KIF26B: variants seen among roughly 807,000 people sequenced by gnomAD.
KIF26B encodes kinesin-like protein KIF26B.
A neutral mutation model predicts 151.2 loss-of-function variants in KIF26B; 63 were observed. That is an observed-to-expected ratio of 0.42 (90% CI 0.34 to 0.51). The LOEUF is 0.51. Among genes scored for constraint, KIF26B ranks in the 20% least tolerant of loss-of-function variants. The probability of loss-of-function intolerance (pLI) is 0.07; values close to 1 mark genes in which losing one functional copy is unlikely to be tolerated. For missense variants in KIF26B, 2,813 were observed against 2,913.6 expected, an observed-to-expected ratio of 0.97 and a Z score of 0.79; for synonymous variants, 1,357 against 1,262.1, an observed-to-expected ratio of 1.08 and a Z score of -1.59.
At chr1:245,615,960 T>A (rs890900103) in intron 9 of KIF26B, among the ~76,000 whole-genome samples, 2 of 152,196 alleles carry the variant, frequency 1.3e-5, no homozygotes, top group Non-Finnish European at 1.5e-5. Flanking sequence ...CAGAACTCAA[T>A]TAGGGGAAAG....
chr1:245,510,031 G>A (rs1660797964), intron 4 of KIF26B, among the ~76,000 whole-genome samples: 1 of 152,182 alleles, frequency 6.6e-6, no homozygotes, highest in Non-Finnish European at 1.5e-5. Context: ...GCAGTGCCAT[G>A]AACAGTGGAG....
chr1:245,441,124 C>T (rs1033024727), intron 4 of KIF26B, among the ~76,000 whole-genome samples: 1 of 152,158 alleles, frequency 6.6e-6, no homozygotes, highest in Non-Finnish European at 1.5e-5. Context: ...ATTGTGAACT[C>T]CAGCCATCTG....
intron 2 of KIF26B, among the ~76,000 whole-genome samples, chr1:245,337,681 CTA>C (rs1672263890): frequency 6.6e-6 from 1 of 152,192 alleles, no homozygotes; most frequent in Middle Eastern, 3.4e-3. Context: ...AAATAAATGA[CTA>C]TGGTGTGTGT....
intron 4 of KIF26B, among the ~76,000 whole-genome samples, chr1:245,451,683 C>G (rs1030770818): frequency 6.8e-6 from 1 of 147,324 alleles, no homozygotes; most frequent in Non-Finnish European, 1.5e-5. Flanking sequence ...TTACTGCAAC[C>G]TCTGCCTCCT....
chr1:245,379,660 T>G (rs983784179), intron 3 of KIF26B, among the ~76,000 whole-genome samples: 1 of 152,052 alleles, frequency 6.6e-6, no homozygotes, highest in African/African-American at 2.4e-5. Context: ...TTTGCAAGTT[T>G]CGATAAATTG....
chr1:245,515,485 G>A (rs929476236), intron 4 of KIF26B, among the ~76,000 whole-genome samples: 1 of 152,074 alleles, frequency 6.6e-6, no homozygotes, highest in African/African-American at 2.4e-5. Flanking sequence ...TCCCTGCCCT[G>A]CCTCAGGTCT....
At chr1:245,173,568 G>A (rs1388676908) in intron 2 of KIF26B, among the ~76,000 whole-genome samples, 1 of 152,086 alleles carries the variant, frequency 6.6e-6, no homozygotes, top group Non-Finnish European at 1.5e-5. Flanking sequence ...CACTTTACGG[G>A]TAAAGAAGCT....
intron 5 of KIF26B, among the ~76,000 whole-genome samples, chr1:245,575,429 C>T (rs561041049): frequency 2.0e-5 from 3 of 151,860 alleles, no homozygotes; most frequent in African/African-American, 7.2e-5. Flanking sequence ...AAGCTGAGAT[C>T]GTGCCACTAT....
intron 2 of KIF26B, among the ~76,000 whole-genome samples, chr1:245,183,830 C>T (rs1270883941): frequency 6.6e-6 from 1 of 151,952 alleles, no homozygotes; most frequent in Non-Finnish European, 1.5e-5. Flanking sequence ...AGAGAAAGAC[C>T]TGGCGGTATG....
rs115962091 is a variant in KIF26B at position 245,352,864 on chromosome 1, G to A, written c.466-13970G>A. On this transcript the variant is annotated intron_variant, in intron 2 of 14. Transcript: ENST00000407071. The surrounding 1 kb of genome is among the most constrained non-coding windows in gnomAD (Gnocchi z 5.0). ...GTGTGTGTGTGTGTGTGTGGTGGGC[G>A]TGGGTGGGTGTGTAGAGTAGGGAAA... is the stretch of plus-strand genomic sequence containing the variant. 0.013 allele frequency among the ~76,000 whole-genome samples: 2,027 copies of A among 152,116 alleles called. 20 individuals carry two copies. Among genetic ancestry groups the A allele is most frequent in the Middle Eastern group, 0.048 (14 of 294 alleles).
chr1:245,423,848 C>CT (rs917667134), intron 4 of KIF26B, among the ~76,000 whole-genome samples: 4 of 151,740 alleles, frequency 2.6e-5, no homozygotes, highest in African/African-American at 9.7e-5. Context: ...ATTTTAAAAT[C>CT]TTTTTTTTGA....
At chr1:245,610,650 T>G (rs749548139) in intron 8 of KIF26B, among the ~76,000 whole-genome samples, 24 of 152,218 alleles carry the variant, frequency 1.6e-4, no homozygotes, top group Non-Finnish European at 2.5e-4. Flanking sequence ...CCCCCATTCA[T>G]TTTTAGAACT....
At chr1:245,697,919 T>A (rs2044714961) in intron 12 of KIF26B, among the ~76,000 whole-genome samples, 187 bp from the exon 13 acceptor site, 1 of 151,108 alleles carries the variant, frequency 6.6e-6, no homozygotes, top group African/African-American at 2.4e-5. Flanking sequence ...TGTGCACCTG[T>A]TATCCCAACT....
chr1:245,666,028 GTCTC>G (rs1276003752), intron 10 of KIF26B, among the ~76,000 whole-genome samples: 2 of 139,030 alleles, frequency 1.4e-5, no homozygotes, highest in African/African-American at 2.7e-5. Flanking sequence ...TTGAGACGGA[GTCTC>G]TCTCTGTCGC....
intron 6 of KIF26B, among the ~76,000 whole-genome samples, chr1:245,604,692 T>A (rs1044816852): frequency 2.6e-5 from 4 of 152,216 alleles, no homozygotes; most frequent in Admixed American, 6.5e-5. Context: ...CCATTTTAAT[T>A]GCTAGTCTTT....
chr1:245,155,818 C>T (rs530522660), intron 1 of KIF26B, among the ~76,000 whole-genome samples: 198 of 152,348 alleles, frequency 1.3e-3, no homozygotes, highest in Non-Finnish European at 2.1e-3. Flanking sequence ...TTAGCTGGAG[C>T]CGTGAGAGCC....
At chr1:245,662,572 T>A (rs199717865) in intron 10 of KIF26B, among the ~76,000 whole-genome samples, 2 of 102,680 alleles carry the variant, frequency 1.9e-5, no homozygotes, top group South Asian at 3.7e-4. Flanking sequence ...ACACACACCC[T>A]ATATATATAT....
At chr1:245,587,949 G>A (rs371999896) in intron 5 of KIF26B, among the ~76,000 whole-genome samples, 2 of 152,206 alleles carry the variant, frequency 1.3e-5, no homozygotes, top group East Asian at 3.8e-4. Flanking sequence ...TGCTTCTGAC[G>A]TTTCCTTCAG....
At chr1:245,643,851 A>C (rs973583567) in intron 9 of KIF26B, among the ~76,000 whole-genome samples, 5 of 152,202 alleles carry the variant, frequency 3.3e-5, no homozygotes, top group Admixed American at 3.3e-4. Flanking sequence ...TCCAATGAGA[A>C]ATCTGCCGTC....
Sources: allele counts gnomAD v4.1 joint callset (sites outside exome capture counted in the v4.1 genomes callset), GRCh38; gene constraint gnomAD v4.1.1; non-coding constraint Gnocchi (gnomAD v3.1); transcripts MANE v1.5; gene names NCBI Gene and HGNC (gene_info 2026-07-23, HGNC 2026-07-21).